Variants in SECISBP2 observed in about 807,000 individuals in gnomAD.
The protein encoded by SECISBP2 is SECIS binding protein 2, also known as selenocysteine insertion sequence-binding protein 2.
In SECISBP2, 96 loss-of-function variants were observed where a neutral mutation model predicts 98.2. The observed-to-expected ratio is 0.98, with a 90% confidence interval of 0.83 to 1.16. The LOEUF (loss-of-function observed/expected upper bound fraction) is 1.16, where lower values mean the gene tolerates loss of function less well. SECISBP2 is among the 50% of genes most tolerant of loss of function. The pLI is 0.00. For missense variants in SECISBP2, 1,046 were observed against 1,022.9 expected (o/e 1.02, Z -0.31); for synonymous variants, 407 against 370.2 (o/e 1.10, Z -1.14).
At chr9:89,354,505 G>A (rs936075481) in intron 14 of SECISBP2, among the ~76,000 whole-genome samples, 10 of 152,180 alleles carry the variant, frequency 6.6e-5, no homozygotes, top group Admixed American at 2.6e-4. Context: ...GAGACTCAGC[G>A]CCTAGGGTTC....
intron 8 of SECISBP2, among the ~76,000 whole-genome samples, chr9:89,339,510 C>T (rs1201867480): frequency 6.6e-6 from 1 of 152,202 alleles, no homozygotes; most frequent in Non-Finnish European, 1.5e-5. Context: ...CCAGAGATAA[C>T]ATGTAAATCT....
At position 89,319,698 on chromosome 9, in the gene SECISBP2, C is replaced by T. The variant is rs1825360070; in HGVS notation, c.83C>T (p.Ala28Val). Residue 28 changes from alanine to valine, a missense_variant, in exon 2 of 17, where the codon GCC (alanine) becomes GTC (valine). Transcript: ENST00000375807. ...ADVKPFVPRFAGLNVAWLESS... is the reference protein window; with the variant it reads ...ADVKPFVPRFVGLNVAWLESS... ...GTCAAACCATTTGTCCCCAGATTTG[C>T]CGGGCTCAATGTGGCATGGTTAGAG... The T allele has an allele frequency of 1.9e-6, 3 of 1,614,152 alleles. No individual in the cohort carries two copies. The East Asian group carries it at 6.7e-5, about 36-fold the overall frequency.
At chr9:89,325,084 A>G in intron 2 of SECISBP2, 1 of 335,944 alleles carries the variant, frequency 3.0e-6, no homozygotes, top group Non-Finnish European at 5.6e-6. Flanking sequence ...TCCCCGCAGC[A>G]GAGAGAATGG....
intron 4 of SECISBP2, among the ~76,000 whole-genome samples, chr9:89,326,642 G>C (rs1826751418): frequency 6.6e-6 from 1 of 152,200 alleles, no homozygotes; most frequent in Admixed American, 6.5e-5. Flanking sequence ...TAGAATTATA[G>C]TCATGCCTCA....
chr9:89,351,272 C>T (rs1458813796), intron 14 of SECISBP2, among the ~76,000 whole-genome samples: 2 of 152,226 alleles, frequency 1.3e-5, no homozygotes, highest in African/African-American at 4.8e-5. Flanking sequence ...CATCTGTTTG[C>T]TTGTTACAGA....
intron 14 of SECISBP2, among the ~76,000 whole-genome samples, chr9:89,351,364 A>T (rs1384142409): frequency 6.6e-6 from 1 of 152,238 alleles, no homozygotes; most frequent in Non-Finnish European, 1.5e-5. Context: ...ATGCTGGGTC[A>T]GGTAACAGTG....
At chr9:89,322,502 A>G (rs926414113) in intron 2 of SECISBP2, 2 of 152,272 alleles carry the variant, frequency 1.3e-5, no homozygotes, top group Admixed American at 6.5e-5. Context: ...AACTGAAGCT[A>G]GGAATGTTTG....
At chr9:89,341,516 A>G (rs755561226) in intron 10 of SECISBP2, 37 bp downstream of exon 10, 1 of 1,612,136 alleles carries the variant, frequency 6.2e-7, no homozygotes, top group Non-Finnish European at 8.5e-7. Context: ...AGTGATTGGA[A>G]GTCTTTTTCA....
chr9:89,352,719 T>C (rs1831471852), intron 14 of SECISBP2, among the ~76,000 whole-genome samples: 1 of 152,200 alleles, frequency 6.6e-6, no homozygotes, highest in Admixed American at 6.5e-5. Context: ...TTTTATCTCT[T>C]TCTTTTGGTT....
chr9:89,366,035 C>T, the SECISBP2 span, among the ~76,000 whole-genome samples: 6 of 152,080 alleles, frequency 3.9e-5, no homozygotes, highest in African/African-American at 1.4e-4. Context: ...GAATGAGTCC[C>T]GAGGCAAGGA....
Position 89,350,693 on chromosome 9 carries a change from C to G in SECISBP2, c.1954C>G (p.Leu652Val). The change falls in exon 14 of 17, where the codon CTG becomes GTG. Residue 652 changes from leucine (L) to valine (V), a missense_variant. By Grantham distance (32) the Leu-to-Val change is conservative (BLOSUM62 1). Coordinates refer to ENST00000375807, the MANE Select transcript of SECISBP2 (RefSeq NM_024077.5). ...DACVTDLLKE[L>V]VRFQDRMYQK... ...TTGTGTTACCGACCTACTCAAAGAA[C>G]TGGTCCGTTTCCAAGACCGTATGTA... The G allele has an allele frequency of 6.2e-7, 1 of 1,614,206 alleles. No individual in the cohort carries two copies. The highest frequency in any genetic ancestry group is 1.1e-5 in the South Asian group (1 of 91,088).
intron 14 of SECISBP2, among the ~76,000 whole-genome samples, chr9:89,351,514 C>T (rs1398824853): frequency 2.6e-5 from 4 of 152,076 alleles, no homozygotes; most frequent in Admixed American, 6.5e-5. Context: ...GACACCTGTC[C>T]TTCATCTCCA....
chr9:89,344,074 ATGT>A lies in SECISBP2; in HGVS notation c.1435+2598_1435+2600del, dbSNP rs535606341. Reference sequence around the variant, plus strand: ...TTTGCATTTCTCTAATGATTAAGTGATGTTGAGGTTTTTCTCGTATGCTTGTTG... The same window carrying A: ...TTTGCATTTCTCTAATGATTAAGTGATGAGGTTTTTCTCGTATGCTTGTTG... On this transcript the variant is annotated intron_variant, in intron 10 of 16. Coordinates refer to ENST00000375807, the MANE Select transcript of SECISBP2 (RefSeq NM_024077.5). Among the ~76,000 whole-genome samples the A allele has an allele frequency of 1.3e-3, 196 of 152,198 alleles. 2 individuals carry two copies. Among genetic ancestry groups the A allele is most frequent in the African/African-American group, 4.5e-3 (188 of 41,514 alleles).
intron 10 of SECISBP2, among the ~76,000 whole-genome samples, chr9:89,342,100 A>G (rs1368007130): frequency 6.6e-6 from 1 of 152,246 alleles, no homozygotes; most frequent in Non-Finnish European, 1.5e-5. Flanking sequence ...AATAGCAAAC[A>G]ATCCAATTTA....
intron 2 of SECISBP2, chr9:89,323,538 C>T (rs564391240): frequency 7.9e-5 from 12 of 152,678 alleles, no homozygotes; most frequent in African/African-American, 2.9e-4. Context: ...CCTGGGAGAC[C>T]TGGAAGCCGT....
the SECISBP2 span, among the ~76,000 whole-genome samples, chr9:89,366,527 AAACTT>A: frequency 2.0e-5 from 3 of 152,376 alleles, no homozygotes; most frequent in South Asian, 2.1e-4. Context: ...AAAAAAAACA[AAACTT>A]AACACTCTAT....
chr9:89,318,659 G>A, intron 1 of SECISBP2, 47 bp downstream of exon 1: 1 of 1,374,862 alleles, frequency 7.3e-7, no homozygotes, highest in Non-Finnish European at 9.4e-7. Context: ...CCGTCCGCCT[G>A]CCTCGCACTG....
rs1446081099 is a variant in SECISBP2 at position 89,332,920 on chromosome 9, G to T, written c.814G>T (p.Val272Leu). ...AAVLSKGEIV[V>L]KNNPNESVTA... ...GTTTGCTTTTTAGGGTGAAATAGTG[G>T]TGAAAAATAACCCAAATGAATCTGT... is the stretch of plus-strand genomic sequence containing the variant. The change falls in exon 6 of 17, where the codon GTG becomes TTG. Residue 272 changes from valine to leucine, a missense_variant. Physicochemically the swap from Val to Leu is conservative, Grantham distance 32. Coordinates refer to ENST00000375807, the MANE Select transcript of SECISBP2 (RefSeq NM_024077.5). The T allele has an allele frequency of 6.2e-7, 1 of 1,613,550 alleles. No individual in the cohort carries two copies. Among genetic ancestry groups the T allele is most frequent in the Non-Finnish European group, 8.5e-7 (1 of 1,179,742 alleles).
chr9:89,334,156 G>T, intron 6 of SECISBP2: 1 of 1,173,128 alleles, frequency 8.5e-7, no homozygotes, highest in Admixed American at 4.4e-5. Context: ...ACACTTCAAG[G>T]TTAGTAGGGC....
Sources: gnomAD v4.1 joint callset for allele counts (sites outside exome capture counted in the v4.1 genomes callset) on GRCh38, gnomAD v4.1.1 for gene constraint, MANE v1.5 for transcripts, NCBI Gene and HGNC (gene_info 2026-07-23, HGNC 2026-07-21) for gene names.